Variants in COL15A1 observed in about 807,000 individuals in gnomAD.
COL15A1 encodes the protein collagen alpha-1(XV) chain.
In COL15A1, 111 loss-of-function variants were observed where a neutral mutation model predicts 165.9. The observed-to-expected ratio is 0.67, with a 90% CI of 0.57 to 0.78. The LOEUF is 0.78. Among genes scored for constraint, COL15A1 ranks in the 30% least tolerant of loss-of-function variants. The probability of loss-of-function intolerance (pLI) is 0.00; values close to 1 mark genes in which losing one functional copy is unlikely to be tolerated. For synonymous variants in COL15A1, 659 were observed against 674.8 expected (o/e 0.98, Z 0.36); for missense variants, 1,745 against 1,789.7 (o/e 0.98, Z 0.45).
intron 2 of COL15A1, among the ~76,000 whole-genome samples, chr9:98,975,196 G>A (rs1838123848): frequency 6.6e-6 from 1 of 152,242 alleles, no homozygotes; most frequent in Non-Finnish European, 1.5e-5. Context: ...ACGCTCCTTA[G>A]CCTCCTCTGG....
chr9:99,067,017 A>G lies in COL15A1; in HGVS notation c.3787A>G (p.Thr1263Ala), dbSNP rs1240384742. The G allele has an allele frequency of 4.3e-6, 7 of 1,614,074 alleles. No individual in the cohort carries two copies. Among genetic ancestry groups the G allele is most frequent in the African/African-American group, 2.7e-5 (2 of 74,924 alleles). Residue 1263 changes from threonine to alanine, a missense_variant, in exon 40 of 42, where the codon ACC (threonine) becomes GCC (alanine). Coordinates refer to ENST00000375001, the MANE Select transcript of COL15A1 (RefSeq NM_001855.5). ...ATCTTCCCATTTGCAAGATCTGTCC[A>G]CCATTGTGAGGAAAGCAGAGAGATA... ...FLSSHLQDLS[T>A]IVRKAERYSL...
intron 2 of COL15A1, among the ~76,000 whole-genome samples, chr9:98,962,979 C>T (rs1436552941): frequency 6.6e-6 from 1 of 152,218 alleles, no homozygotes; most frequent in Non-Finnish European, 1.5e-5. Flanking sequence ...TGTTGATGGC[C>T]ATGAGAAGCT....
At position 99,036,347 on chromosome 9, in the gene COL15A1, G is replaced by A. The variant is rs1564074184; in HGVS notation, c.2360G>A (p.Gly787Glu). 6.2e-7 allele frequency: 1 copy of A among 1,614,102 alleles called. No individual in the cohort carries two copies. The highest frequency in any genetic ancestry group is 2.2e-5 in the East Asian group (1 of 44,862). ...GGGATGGATGGAGCCAGTATTGTGG[G>A]ACCCCCTGGGCCGAGAGGGCCACCT... The part of the protein sequence containing the change: ...ERGMDGASIV[G>E]PPGPRGPPGH... Residue 787 changes from glycine to glutamate, a missense_variant, in exon 21 of 42, where the codon GGA becomes GAA. Physicochemically the swap from Gly to Glu is moderately conservative, Grantham distance 98 (BLOSUM62 -2). Transcript: ENST00000375001.
chr9:98,982,229 T>A (rs186466465), intron 2 of COL15A1, among the ~76,000 whole-genome samples: 16 of 152,182 alleles, frequency 1.1e-4, no homozygotes, highest in Admixed American at 2.0e-4. Flanking sequence ...AGTGATTCTA[T>A]CACCTCAGCC....
Position 98,987,305 on chromosome 9 carries a change from G to C in COL15A1, c.660G>C (p.Gln220His). The change falls in exon 4 of 42, where the codon CAG becomes CAC. Residue 220 changes from glutamine (Q) to histidine (H), a missense_variant. Physicochemically the swap from Gln to His is conservative, Grantham distance 24. Transcript: ENST00000375001. Reference sequence around the variant, plus strand: ...TCTCTTTTCCCCAGGGCTCCCTCCAGCAGCTCACCGTGCACCCCGACCCCA... The same window carrying C: ...TCTCTTTTCCCCAGGGCTCCCTCCACCAGCTCACCGTGCACCCCGACCCCA... ...TGLERFTGSL[Q>H]QLTVHPDPRT... The C allele has an allele frequency of 4.3e-6, 7 of 1,613,420 alleles. No individual in the cohort carries two copies. Among genetic ancestry groups the C allele is most frequent in the Non-Finnish European group, 5.9e-6 (7 of 1,179,760 alleles).
At chr9:99,050,474 C>A (rs756056516) in intron 30 of COL15A1, among the ~76,000 whole-genome samples, 1 of 152,318 alleles carries the variant, frequency 6.6e-6, no homozygotes, top group African/African-American at 2.4e-5. Flanking sequence ...GGTGCAGACA[C>A]TGGGATGCTG....
intron 2 of COL15A1, among the ~76,000 whole-genome samples, chr9:98,970,752 G>C (rs1838035437): frequency 6.6e-6 from 1 of 152,084 alleles, no homozygotes; most frequent in Non-Finnish European, 1.5e-5. Context: ...CTATGAATAG[G>C]TTGTGAGTGT....
chr9:98,952,990 TA>T (rs1837715728), intron 2 of COL15A1, among the ~76,000 whole-genome samples: 1 of 152,222 alleles, frequency 6.6e-6, no homozygotes, highest in Non-Finnish European at 1.5e-5. Flanking sequence ...CCTCCTTCAT[TA>T]AGCCACGAAT....
intron 2 of COL15A1, among the ~76,000 whole-genome samples, chr9:98,959,099 A>T (rs1302080275): frequency 6.6e-6 from 1 of 151,498 alleles, no homozygotes; most frequent in Non-Finnish European, 1.5e-5. Context: ...GTTTTAAAGA[A>T]ATTAATTCTG....
Position 98,986,084 on chromosome 9 carries a change from C to T in COL15A1, c.620C>T (p.Ala207Val), listed in dbSNP as rs968124809. The change falls in exon 3 of 42, where the codon GCA becomes GTA. Residue 207 changes from alanine (A) to valine (V), a missense_variant. Ala to Val is a moderately conservative substitution (Grantham distance 64). Transcript: ENST00000375001. The stretch of plus-strand genomic sequence containing the variant: ...AGCGCTGGAATCTTCATGGGCAATG[C>T]AGGAGCTACAGGGCTCGAGAGATTC... ...ESSAGIFMGN[A>V]GATGLERFTG... The T allele has an allele frequency of 6.2e-7, 1 of 1,613,626 alleles. No homozygotes were observed. The highest frequency in any genetic ancestry group is 8.5e-7 in the Non-Finnish European group (1 of 1,179,906).
At chr9:99,068,985 G>C (rs796770120) in intron 41 of COL15A1, among the ~76,000 whole-genome samples, 1 of 152,180 alleles carries the variant, frequency 6.6e-6, no homozygotes, top group Non-Finnish European at 1.5e-5. Flanking sequence ...CATATAGCAC[G>C]CAGTGGGCAC....
At chr9:98,992,141 C>T (rs1413702926) in intron 5 of COL15A1, among the ~76,000 whole-genome samples, 1 of 152,274 alleles carries the variant, frequency 6.6e-6, no homozygotes, top group African/African-American at 2.4e-5. Context: ...TCGATGGGAA[C>T]AGCCGCCGCA....
intron 35 of COL15A1, among the ~76,000 whole-genome samples, chr9:99,058,887 C>T (rs1537506): frequency 0.14 from 20,758 of 152,030 alleles, 1,446 homozygotes; most frequent in South Asian, 0.2. Context: ...TTGCTTGCAA[C>T]GACCTGAAGG....
intron 5 of COL15A1, among the ~76,000 whole-genome samples, chr9:98,989,551 C>T (rs1457387079): frequency 2.0e-5 from 3 of 152,274 alleles, no homozygotes; most frequent in Non-Finnish European, 4.4e-5. Context: ...AAGCCTGTGG[C>T]CTTAGGTAAC....
Position 98,944,002 on chromosome 9 carries a change from T to C in COL15A1, c.-60T>C. The C allele has an allele frequency of 6.2e-7, 1 of 1,608,184 alleles. No homozygotes were observed. Among genetic ancestry groups the C allele is most frequent in the Non-Finnish European group, 8.5e-7 (1 of 1,175,952 alleles). On this transcript the variant is annotated 5_prime_UTR_variant, in exon 1 of 42. Transcript: ENST00000375001. ...CGCTCAGCGACCCTTCGTCCTCCGC[T>C]AAGCTCCAACGCTCTGCTCGACTAG...
intron 28 of COL15A1, 55 bp downstream of exon 28, chr9:99,048,055 T>C: frequency 1.1e-6 from 1 of 951,550 alleles, no homozygotes; most frequent in Non-Finnish European, 1.7e-6. Flanking sequence ...GGTGAGAGAG[T>C]GTGGGGTCCA....
At chr9:98,982,774 G>A (rs891279468) in intron 2 of COL15A1, among the ~76,000 whole-genome samples, 3 of 151,920 alleles carry the variant, frequency 2.0e-5, no homozygotes, top group Non-Finnish European at 4.4e-5. Context: ...CCTGGGTAGC[G>A]GGGACTACAG....
intron 39 of COL15A1, among the ~76,000 whole-genome samples, chr9:99,064,781 T>C (rs1825868481): frequency 1.3e-5 from 2 of 152,180 alleles, no homozygotes; most frequent in Admixed American, 1.3e-4. Flanking sequence ...AAAAAGATTC[T>C]AGTTGGTTGA....
chr9:99,043,277 G>A (rs569714162), intron 24 of COL15A1, among the ~76,000 whole-genome samples: 1 of 152,152 alleles, frequency 6.6e-6, no homozygotes, highest in Non-Finnish European at 1.5e-5. Context: ...ACGTGGGGAT[G>A]TGTCTTGGGA....
Sources: allele counts gnomAD v4.1 joint callset (sites outside exome capture counted in the v4.1 genomes callset), GRCh38; gene constraint gnomAD v4.1.1; transcripts MANE v1.5; gene names NCBI Gene and HGNC (gene_info 2026-07-23, HGNC 2026-07-21).